HESX1: variants seen among roughly 807,000 people sequenced by gnomAD.
HESX1 encodes the protein HESX homeobox 1, also known as homeobox expressed in ES cells 1.
Under a neutral mutation model 22.5 loss-of-function variants are expected in HESX1, and 11 were observed. The observed-to-expected ratio is 0.49, with a 90% confidence interval of 0.31 to 0.81. The LOEUF is 0.81. Among genes scored for constraint, HESX1 ranks in the 30% least tolerant of loss-of-function variants. The pLI, the probability that HESX1 is intolerant of heterozygous loss-of-function variation, is 0.05. For missense variants in HESX1, 201 were observed against 212.6 expected (o/e 0.95, Z 0.34); for synonymous variants, 74 against 76.5 (o/e 0.97, Z 0.17).
At chr3:57,207,379 T>C (rs1054733771) in intron 1 of HESX1, among the ~76,000 whole-genome samples, 33 of 152,322 alleles carry the variant, frequency 2.2e-4, no homozygotes, top group African/African-American at 7.5e-4. Context: ...GGCCCAGCTA[T>C]TAAAAGGTGG....
At chr3:57,199,443 A>AC (rs1284566625) in intron 1 of HESX1, among the ~76,000 whole-genome samples, 13 of 151,890 alleles carry the variant, frequency 8.6e-5, no homozygotes, top group South Asian at 4.2e-4. Context: ...ACAGGGTGAA[A>AC]CCCCCCTCTA....
chr3:57,202,302 T>A (rs2060494988), upstream of HESX1, among the ~76,000 whole-genome samples: 1 of 151,968 alleles, frequency 6.6e-6, no homozygotes, highest in Non-Finnish European at 1.5e-5. Flanking sequence ...GAGGGAAGCA[T>A]TTTCTCATAT....
chr3:57,213,553 G>A (rs2060567363), intron 1 of HESX1, among the ~76,000 whole-genome samples: 1 of 152,218 alleles, frequency 6.6e-6, no homozygotes, highest in African/African-American at 2.4e-5. Flanking sequence ...TAGATTAAAT[G>A]GGAGTTGTCA....
At chr3:57,221,783 T>A (rs1244138086) in intron 1 of HESX1, among the ~76,000 whole-genome samples, 4 of 152,018 alleles carry the variant, frequency 2.6e-5, no homozygotes, top group African/African-American at 9.7e-5. Context: ...ATTTTTGTAT[T>A]TTTAGTAGAG....
intron 1 of HESX1, among the ~76,000 whole-genome samples, chr3:57,206,244 G>A (rs1046414653): frequency 3.9e-5 from 6 of 152,116 alleles, no homozygotes; most frequent in Non-Finnish European, 5.9e-5. Context: ...CTCATACTAG[G>A]TGAAAGAATA....
intron 1 of HESX1, among the ~76,000 whole-genome samples, chr3:57,209,923 A>T (rs1295779785): frequency 6.6e-6 from 1 of 152,178 alleles, no homozygotes; most frequent in Admixed American, 6.5e-5. Context: ...ATCATTTGGT[A>T]GCTGAGAAAA....
chr3:57,211,840 A>G (rs1401634950), intron 1 of HESX1, among the ~76,000 whole-genome samples: 1 of 152,088 alleles, frequency 6.6e-6, no homozygotes, highest in Non-Finnish European at 1.5e-5. Flanking sequence ...CTCAAAAAAA[A>G]AAAAATCCAA....
At chr3:57,212,175 T>C (rs1470241960) in intron 1 of HESX1, among the ~76,000 whole-genome samples, 1 of 152,232 alleles carries the variant, frequency 6.6e-6, no homozygotes, top group Admixed American at 6.5e-5. Flanking sequence ...TAAAATTGTT[T>C]ACAGTATAAT....
intron 1 of HESX1, among the ~76,000 whole-genome samples, chr3:57,222,157 G>C (rs2060619414): frequency 6.6e-6 from 1 of 152,174 alleles, no homozygotes; most frequent in Non-Finnish European, 1.5e-5. Flanking sequence ...TGGATAAATA[G>C]TACTGGTATA....
At chr3:57,201,875 A>ATCTATATATATCTATCTATC (rs796249286), upstream of HESX1, among the ~76,000 whole-genome samples, 1 of 131,844 alleles carries the variant, frequency 7.6e-6, no homozygotes, top group African/African-American at 2.7e-5. Context: ...CTATCTATCT[A>ATCTATATATATCTATCTATC]TATCTATCTA....
upstream of HESX1, among the ~76,000 whole-genome samples, chr3:57,204,397 T>G (rs569854336): frequency 2.6e-5 from 4 of 152,308 alleles, no homozygotes; most frequent in East Asian, 5.8e-4. Flanking sequence ...AAAGAACATA[T>G]CTTGCTGATG....
chr3:57,215,802 G>C (rs1031024344), intron 1 of HESX1, among the ~76,000 whole-genome samples: 12 of 151,938 alleles, frequency 7.9e-5, no homozygotes, highest in Non-Finnish European at 8.8e-5. Flanking sequence ...AAAAACCACA[G>C]AAAAATGTTA....
At chr3:57,198,515 T>C in intron 2 of HESX1, 23 bp from the exon 3 acceptor site, 7 of 1,380,408 alleles carry the variant, frequency 5.1e-6, no homozygotes, top group Non-Finnish European at 7.2e-6. Flanking sequence ...AATGTTGATA[T>C]TCAGTATGTC....
chr3:57,223,106 T>C (rs573051229), intron 1 of HESX1, among the ~76,000 whole-genome samples: 2 of 152,324 alleles, frequency 1.3e-5, no homozygotes, highest in Non-Finnish European at 2.9e-5. Flanking sequence ...GTAAGTTCTC[T>C]AGTATTAAGC....
chr3:57,199,893 G>C lies in HESX1; in HGVS notation c.26C>G (p.Ala9Gly). The C allele has an allele frequency of 2.5e-6, 4 of 1,614,046 alleles. No homozygotes were observed. The highest frequency in any genetic ancestry group is 3.4e-6 in the Non-Finnish European group (4 of 1,179,976). Residue 9 changes from alanine to glycine, a missense_variant, in exon 1 of 4, where the codon GCT becomes GGT. Transcript: ENST00000295934. Reference sequence around the variant, plus strand: ...TGAGGGTTTGTTTTCCCCGAGCTGAGCGCCTTCCTGAAGGCTGGGAGACAT... The same window carrying C: ...TGAGGGTTTGTTTTCCCCGAGCTGACCGCCTTCCTGAAGGCTGGGAGACAT... MSPSLQEG[A>G]QLGENKPSTC...
chr3:57,198,728 A>G, intron 2 of HESX1, 25 bp downstream of exon 2: 1 of 1,606,460 alleles, frequency 6.2e-7, no homozygotes, highest in Non-Finnish European at 8.5e-7. Context: ...TTATATTATC[A>G]TTATTGGGTG....
At chr3:57,200,883 A>G (rs2060481850), upstream of HESX1, among the ~76,000 whole-genome samples, 1 of 152,240 alleles carries the variant, frequency 6.6e-6, no homozygotes, top group South Asian at 2.1e-4. Flanking sequence ...GAAAATAACC[A>G]AGAACAGAAT....
upstream of HESX1, among the ~76,000 whole-genome samples, chr3:57,204,775 G>T (rs1396627925): frequency 6.8e-6 from 1 of 147,340 alleles, no homozygotes; most frequent in African/African-American, 2.5e-5. Context: ...CTTCAGCCTG[G>T]ATATATGAGT....
In HESX1 at chr3:57,211,527, C is replaced by CAAAAAAAAAAAAA. The variant is rs61137408; in HGVS notation, c.-110-11512_-110-11500dup. ...TCTGGGTGACAGAGAGAGACCTTGT[C>CAAAAAAAAAAAAA]AAAAAAAAAAAAAAAAAAAAAAAAG... On this transcript the variant is annotated intron_variant, in intron 1 of 2. Coordinates refer to the HESX1 transcript ENST00000495160. 4.4e-4 allele frequency among the ~76,000 whole-genome samples: 14 copies of CAAAAAAAAAAAAA among 31,978 alleles called. 3 individuals carry two copies. The highest frequency in any genetic ancestry group is 2.3e-3 in the East Asian group (2 of 876). 21.0% of individuals were successfully genotyped at this position (31,978 alleles called of 152,430 possible).
Sources: gnomAD v4.1 joint callset for allele counts (sites outside exome capture counted in the v4.1 genomes callset) on GRCh38, gnomAD v4.1.1 for gene constraint, MANE v1.5 for transcripts, NCBI Gene and HGNC (gene_info 2026-07-23, HGNC 2026-07-21) for gene names.